Variants in MAPK12 observed in about 807,000 individuals in gnomAD.
The protein encoded by MAPK12 is MAP kinase 12.
A neutral mutation model predicts 49.1 loss-of-function variants in MAPK12; 49 were observed. That is an observed-to-expected ratio of 1.00 (90% CI 0.79 to 1.27). The LOEUF (loss-of-function observed/expected upper bound fraction) is 1.27, where lower values mean the gene tolerates loss of function less well. Among genes scored for constraint, MAPK12 ranks in the 50% most tolerant of loss-of-function variants. MAPK12 has a pLI of 0.00. For missense variants in MAPK12, 554 were observed against 502.4 expected, an observed-to-expected ratio of 1.10 and a Z score of -0.98; for synonymous variants, 251 against 209.7, an observed-to-expected ratio of 1.20 and a Z score of -1.70.
intron 9 of MAPK12, 37 bp downstream of exon 9, chr22:50,255,578 G>GGGCCCCCCCCCCCCCCCCCCCCCC: frequency 6.3e-7 from 1 of 1,582,008 alleles, no homozygotes; most frequent in Non-Finnish European, 8.7e-7. Context: ...GCCCAGGTCC[G>GGGCCCCCCCCCCCCCCCCCCCCCC]CCCCCACCCC....
chr22:50,253,084 G>C lies in MAPK12; in HGVS notation c.*317C>G. 2.4e-6 allele frequency: 1 copy of C among 424,084 alleles called. No homozygotes were observed. The highest frequency in any genetic ancestry group is 3.6e-5 in the Admixed American group (1 of 27,888). 26.3% of individuals were successfully genotyped at this position (424,084 alleles called of 1,614,324 possible). A position where few individuals can be genotyped will look rare whatever the true frequency, so the allele number is the denominator to read the frequency against. On this transcript the variant is annotated 3_prime_UTR_variant, in exon 12 of 12. Coordinates refer to ENST00000215659, the MANE Select transcript of MAPK12 (RefSeq NM_002969.6). ...CATGGCCCAGAGCAGGCAGGGCTCA[G>C]AGGCCAAGGCCTGATCTGGAGCCCC...
chr22:50,256,674 T>C (rs775235001), intron 5 of MAPK12, 28 bp from the exon 6 acceptor site: 15 of 1,597,056 alleles, frequency 9.4e-6, no homozygotes, highest in Non-Finnish European at 1.2e-5. Context: ...GTGGCCACTG[T>C]GCCCCACCCT....
Position 50,257,112 on chromosome 22 carries a change from G to A in MAPK12, c.396C>T (p.Phe132=), listed in dbSNP as rs984169452. Residue 132 remains phenylalanine, a synonymous_variant, in exon 4 of 12, where the codon TTC becomes TTT. Transcript: ENST00000215659. ...GCCCCTTCAGCATCTGGTACACGAG[G>A]AACTGGATCCGGTCCTCGCCTAGCT... ...HEKLGEDRIQ[F]LVYQMLKGLR... 6.2e-7 allele frequency: 1 copy of A among 1,612,778 alleles called. No homozygotes were observed. Among genetic ancestry groups the A allele is most frequent in the Non-Finnish European group, 8.5e-7 (1 of 1,179,940 alleles).
intron 2 of MAPK12, chr22:50,260,736 C>G (rs930565731): frequency 6.4e-6 from 1 of 155,602 alleles, no homozygotes; most frequent in Non-Finnish European, 1.4e-5. Context: ...TGGACAGCAG[C>G]AGAGTGGGCT....
rs775233790 is a variant in MAPK12, at chr22:50,255,337, T to A, written c.884A>T (p.Asp295Val). The A allele has an allele frequency of 2.5e-6, 4 of 1,613,502 alleles. No homozygotes were observed. The highest frequency in any genetic ancestry group is 3.4e-6 in the Non-Finnish European group (4 of 1,179,990). Residue 295 changes from aspartate (D) to valine (V), a missense_variant, in exon 11 of 12, where the codon GAC becomes GTC. Transcript: ENST00000215659. ...VNLLEKMLVL[D>V]AEQRVTAGEA... is the part of the protein sequence containing the mutation. ...GCCTGCCGTCACCCGCTGCTCCGCG[T>A]CCAGCACCAGCATCTTCTCCAGGAG...
chr22:50,257,024 C>A (rs894271651), intron 4 of MAPK12, 58 bp downstream of exon 4: 3 of 1,603,620 alleles, frequency 1.9e-6, no homozygotes, highest in Non-Finnish European at 2.6e-6. Context: ...ACAGGGCCCT[C>A]CTCTGCCCAG....
chr22:50,255,909 T>A, intron 7 of MAPK12, 28 bp from the exon 8 acceptor site: 1 of 1,605,516 alleles, frequency 6.2e-7, no homozygotes, highest in Non-Finnish European at 8.5e-7. Context: ...GTCAGCTCCG[T>A]GGGCAGGGGG....
chr22:50,256,599 C>T lies in MAPK12; in HGVS notation c.504G>A (p.Lys168=), dbSNP rs1238422681. ...GGGCCCCCTGCCAGGCAGCACACAC[C>T]TTCAGCTCACAGTCTTCGTTCACAG... ...NLAVNEDCEL[K]ILDFGLARQA... is the part of the protein sequence containing the mutation. The change falls in exon 6 of 12, where the codon AAG becomes AAA. Residue 168 remains lysine, a splice_region_variant and synonymous_variant. Transcript: ENST00000215659. 4 of 1,611,740 alleles carry T rather than the reference C, an allele frequency of 2.5e-6. No individual in the cohort carries two copies. The highest frequency in any genetic ancestry group is 2.2e-5 in the East Asian group (1 of 44,844).
Position 50,257,252 on chromosome 22 carries a change from C to A in MAPK12, c.315-59G>T, listed in dbSNP as rs528053417. The stretch of plus-strand genomic sequence containing the variant: ...GAGCCAGCCTCTGCATCCCAGAGAC[C>A]CACCCAGCAGGCCCAGGCTCAGACC... On this transcript the variant is annotated intron_variant, in intron 3 of 11. Coordinates refer to ENST00000215659, the MANE Select transcript of MAPK12 (RefSeq NM_002969.6). The A allele has an allele frequency of 7.4e-4, 1,038 of 1,408,268 alleles. 8 individuals are homozygous for A. The highest frequency in any genetic ancestry group is 7.7e-5 in the Non-Finnish European group (77 of 1,003,624). 87.2% of individuals were successfully genotyped at this position (1,408,268 alleles called of 1,614,324 possible).
In MAPK12 at chr22:50,253,500, G is replaced by GGGGGGGGGGA; in HGVS notation, c.1025-21_1025-20insTCCCCCCCCC. 1 of 432,222 alleles carries GGGGGGGGGGA rather than the reference G, an allele frequency of 2.3e-6. No homozygotes were observed. Among genetic ancestry groups the GGGGGGGGGGA allele is most frequent in the Non-Finnish European group, 4.6e-6 (1 of 215,862 alleles). 26.8% of individuals were successfully genotyped at this position (432,222 alleles called of 1,614,324 possible). ...TAACACCTGGCGGGGGTGGGGGGGCGGGCACAACAGAGAGGGGGGTCAGCC... is the reference window on the plus strand; with the variant it reads ...TAACACCTGGCGGGGGTGGGGGGGCGGGGGGGGGGAGGCACAACAGAGAGGGGGGTCAGCC... On this transcript the variant is annotated intron_variant, in intron 11 of 11. Coordinates refer to ENST00000215659, the MANE Select transcript of MAPK12 (RefSeq NM_002969.6).
At chr22:50,257,969 A>C (rs1037518295) in intron 3 of MAPK12, 2 of 765,492 alleles carry the variant, frequency 2.6e-6, no homozygotes, top group Non-Finnish European at 4.9e-6. Flanking sequence ...GTCAGGTCCA[A>C]GGTTCACACC....
rs1398602859 is a variant in MAPK12 at position 50,261,220 on chromosome 22, C to A, written c.202G>T (p.Ala68Ser). The change falls in exon 2 of 12, where the codon GCC (alanine) becomes TCC (serine). Residue 68 changes from alanine to serine, a missense_variant. Ala to Ser is a moderately conservative substitution (Grantham distance 99, BLOSUM62 1). Coordinates refer to ENST00000215659, the MANE Select transcript of MAPK12 (RefSeq NM_002969.6). ...CGCAGCTCGCGGTAGGCGCGCTTGG[C>A]GAACAGCTCGGACTGGAAAGGCCGA... ...LYRPFQSELF[A>S]KRAYRELRLL... The A allele has an allele frequency of 2.5e-6, 4 of 1,588,386 alleles. No homozygotes were observed. In the East Asian group the frequency reaches 7.0e-5, roughly 28 times the overall value.
intron 9 of MAPK12, 37 bp downstream of exon 9, chr22:50,255,578 G>GGGCC: frequency 6.3e-7 from 1 of 1,581,912 alleles, no homozygotes; most frequent in Non-Finnish European, 8.7e-7. Context: ...GCCCAGGTCC[G>GGGCC]CCCCCACCCC....
At chr22:50,255,574 G>T (rs1355325316) in intron 9 of MAPK12, 41 bp downstream of exon 9, 8 of 1,612,466 alleles carry the variant, frequency 5.0e-6, no homozygotes, top group Non-Finnish European at 5.9e-6. Flanking sequence ...CAAGGCCCAG[G>T]TCCGCCCCCA....
intron 2 of MAPK12, among the ~76,000 whole-genome samples, chr22:50,260,138 A>C (rs1175569081): frequency 1.3e-5 from 2 of 151,366 alleles, no homozygotes; most frequent in Non-Finnish European, 2.9e-5. Flanking sequence ...CAGGGTAGTG[A>C]GCTGGGGGTC....
chr22:50,256,986 G>A (rs1414555728), intron 4 of MAPK12, 22 bp from the exon 5 acceptor site: 1 of 1,605,580 alleles, frequency 6.2e-7, no homozygotes, highest in Non-Finnish European at 8.5e-7. Context: ...AGAGGATTTG[G>A]CAGGCTTCAG....
At chr22:50,256,887 G>A (rs1429611399) in intron 5 of MAPK12, 48 bp downstream of exon 5, 6 of 1,593,864 alleles carry the variant, frequency 3.8e-6, no homozygotes, top group African/African-American at 2.7e-5. Flanking sequence ...GAGGCGGGGG[G>A]ATTGCACTGG....
intron 5 of MAPK12, 23 bp downstream of exon 5, chr22:50,256,912 G>A: frequency 6.2e-7 from 1 of 1,603,274 alleles, no homozygotes; most frequent in Admixed American, 1.7e-5. Flanking sequence ...GGGCTGATGA[G>A]CGGCTTCTCC....
intron 11 of MAPK12, 22 bp from the exon 12 acceptor site, chr22:50,253,502 G>GGCCCCCCCCCCC: frequency 2.3e-5 from 4 of 171,646 alleles, no homozygotes; most frequent in East Asian, 1.5e-4. Context: ...GGGGGGGCGG[G>GGCCCCCCCCCCC]CACAACAGAG....
Sources: allele counts gnomAD v4.1 joint callset (sites outside exome capture counted in the v4.1 genomes callset), GRCh38; gene constraint gnomAD v4.1.1; transcripts MANE v1.5; gene names NCBI Gene and HGNC (gene_info 2026-07-23, HGNC 2026-07-21).